Variants in EPM2A observed in about 807,000 individuals in gnomAD.
The protein encoded by EPM2A is EPM2A glucan phosphatase, laforin, also known as laforin.
A neutral mutation model predicts 26.5 loss-of-function variants in EPM2A; 21 were observed. The ratio of observed to expected loss-of-function variants is 0.79; its 90% CI spans 0.56 to 1.14. The LOEUF (loss-of-function observed/expected upper bound fraction) is 1.14, where lower values mean the gene tolerates loss of function less well. EPM2A is among the 50% of genes most tolerant of loss of function. The pLI, the probability that EPM2A is intolerant of heterozygous loss-of-function variation, is 0.00. For synonymous variants in EPM2A, 217 were observed against 177.6 expected, an observed-to-expected ratio of 1.22 and a Z score of -1.76; for missense variants, 458 against 440.8, an observed-to-expected ratio of 1.04 and a Z score of -0.35.
intron 1 of EPM2A, among the ~76,000 whole-genome samples, chr6:145,688,363 T>C (rs1781066863): frequency 6.6e-6 from 1 of 152,174 alleles, no homozygotes; most frequent in Admixed American, 6.5e-5. Context: ...TGGTGATTAA[T>C]TGGAAAAGGA....
intron 1 of EPM2A, among the ~76,000 whole-genome samples, chr6:145,718,185 AG>A (rs921360380): frequency 7.9e-5 from 12 of 152,006 alleles, no homozygotes; most frequent in African/African-American, 2.9e-4. Context: ...AAAAGAACAA[AG>A]TTGGAGGCAT....
intron 4 of EPM2A, among the ~76,000 whole-genome samples, chr6:145,439,477 ATTAT>A (rs1779033737): frequency 6.6e-6 from 1 of 151,994 alleles, no homozygotes; most frequent in African/African-American, 2.4e-5. Flanking sequence ...GCATGTTATT[ATTAT>A]TTTTTTACTT....
chr6:145,633,141 T>C (rs1338847818), intron 3 of EPM2A, among the ~76,000 whole-genome samples: 1 of 152,198 alleles, frequency 6.6e-6, no homozygotes, highest in East Asian at 1.9e-4. Context: ...CAGCAGAGCC[T>C]TCAGGTAATC....
Position 145,648,593 on chromosome 6 carries a change from G to A in EPM2A, c.477-13107C>T, listed in dbSNP as rs149122899. On this transcript the variant is annotated intron_variant, in intron 2 of 3. Coordinates refer to ENST00000367519, the MANE Select transcript of EPM2A (RefSeq NM_005670.4). Reference sequence around the variant, plus strand: ...TCTAGAGCAGTGTTTCACAGCCCTGGCTACATGCTAGAATCTCTTGGAGGT... The same window carrying A: ...TCTAGAGCAGTGTTTCACAGCCCTGACTACATGCTAGAATCTCTTGGAGGT... 2.1e-3 allele frequency among the ~76,000 whole-genome samples: 323 copies of A among 152,338 alleles called. 2 individuals are homozygous for A. The highest frequency in any genetic ancestry group is 7.0e-3 in the African/African-American group (293 of 41,570).
At chr6:145,655,074 T>C (rs1201611964) in intron 2 of EPM2A, among the ~76,000 whole-genome samples, 3 of 152,152 alleles carry the variant, frequency 2.0e-5, no homozygotes. Context: ...TTTGTGTGTG[T>C]GACCATGTGG....
intron 4 of EPM2A, among the ~76,000 whole-genome samples, chr6:145,424,041 A>C (rs1259011666): frequency 6.6e-6 from 1 of 152,166 alleles, no homozygotes; most frequent in Non-Finnish European, 1.5e-5. Context: ...TACTGCCTAA[A>C]CTAAGTGAAC....
At chr6:145,399,578 A>G (rs1331079562) in intron 4 of EPM2A, among the ~76,000 whole-genome samples, 1 of 152,178 alleles carries the variant, frequency 6.6e-6, no homozygotes, top group African/African-American at 2.4e-5. Flanking sequence ...AAATTGCTGA[A>G]AAGAGTGCAA....
At chr6:145,501,833 T>C (rs1262853289) in exon 4 of EPM2A, 7 of 471,010 alleles carry the variant, frequency 1.5e-5, no homozygotes, top group Non-Finnish European at 3.1e-5. Flanking sequence ...TAATCCAGAA[T>C]CCCAAGGCCA....
At chr6:145,456,367 T>C (rs1012631819) in intron 4 of EPM2A, among the ~76,000 whole-genome samples, 1 of 152,214 alleles carries the variant, frequency 6.6e-6, no homozygotes, top group Non-Finnish European at 1.5e-5. Flanking sequence ...GACGTTTGCA[T>C]GCTTGCAAAA....
At chr6:145,399,770 T>C (rs1039978655) in intron 4 of EPM2A, among the ~76,000 whole-genome samples, 1 of 152,134 alleles carries the variant, frequency 6.6e-6, no homozygotes, top group African/African-American at 2.4e-5. Context: ...AGGTAGAAAC[T>C]CATATAGAAA....
chr6:145,735,592 G>C (rs917360457), upstream of EPM2A: 22 of 1,084,510 alleles, frequency 2.0e-5, no homozygotes, highest in Non-Finnish European at 2.3e-5. Context: ...TTGGGCGGTG[G>C]TGTGGGAGCC....
chr6:145,567,597 A>T (rs907300958), intron 2 of EPM2A, among the ~76,000 whole-genome samples: 15 of 152,218 alleles, frequency 9.9e-5, no homozygotes, highest in African/African-American at 3.6e-4. Context: ...ACAAGGCCCC[A>T]GCCTAACTGT....
chr6:145,563,188 C>T (rs1780832800), intron 2 of EPM2A, among the ~76,000 whole-genome samples: 1 of 151,512 alleles, frequency 6.6e-6, no homozygotes, highest in Admixed American at 6.6e-5. Flanking sequence ...TCGACATTTC[C>T]CCTGTACCTG....
intron 1 of EPM2A, among the ~76,000 whole-genome samples, chr6:145,733,811 T>A (rs2128647198): frequency 6.6e-6 from 1 of 152,308 alleles, no homozygotes; most frequent in Middle Eastern, 3.4e-3. Flanking sequence ...CACTCTAATC[T>A]TCTTTACTGA....
At chr6:145,397,275 G>GA (rs961214487) in intron 4 of EPM2A, among the ~76,000 whole-genome samples, 5 of 151,810 alleles carry the variant, frequency 3.3e-5, no homozygotes, top group Non-Finnish European at 5.9e-5. Flanking sequence ...TACTAAAAGT[G>GA]AAAAAAATTT....
At chr6:145,536,443 GT>G (rs1780433184) in intron 2 of EPM2A, among the ~76,000 whole-genome samples, 1 of 152,030 alleles carries the variant, frequency 6.6e-6, no homozygotes, top group African/African-American at 2.4e-5. Flanking sequence ...TTACAGGCCT[GT>G]GCCACCACAC....
Position 145,627,126 on chromosome 6 carries a change from G to A in EPM2A, c.*290C>T, listed in dbSNP as rs554969040. On this transcript the variant is annotated 3_prime_UTR_variant, in exon 4 of 4. Transcript: ENST00000367519. ...TACAGTGCTGTAAAGCAAAGGCCTCGTCTGCCTGCAGGCAGCAGGAACTGC... is the reference window on the plus strand; with the variant it reads ...TACAGTGCTGTAAAGCAAAGGCCTCATCTGCCTGCAGGCAGCAGGAACTGC... 2.6e-5 allele frequency: 34 copies of A among 1,321,016 alleles called. No individual in the cohort carries two copies. The highest frequency in any genetic ancestry group is 3.0e-4 in the Middle Eastern group (1 of 3,308). The allele number at this position is 1,321,016 out of a possible 1,614,324, so 81.8% of individuals were successfully genotyped here. A position where few individuals can be genotyped will look rare whatever the true frequency, so the allele number is the denominator to read the frequency against.
At position 145,542,836 on chromosome 6, in the gene EPM2A, G is replaced by A. The variant is rs377374263; in HGVS notation, c.341-40261C>T. On this transcript the variant is annotated intron_variant, in intron 2 of 3. Transcript: ENST00000450221. ...TACAATGGTGCAATCTCGGCTCACC[G>A]CAACCTCTGCCTCCTGGGTTCAAGT... Among the ~76,000 whole-genome samples, 48 of 152,266 alleles carry A rather than the reference G, an allele frequency of 3.2e-4. 1 individual carries two copies. The South Asian group carries it at 8.1e-3, about 26-fold the overall frequency.
In EPM2A at chr6:145,627,747, C is replaced by T. The variant is rs1023964285; in HGVS notation, c.719-54G>A. The T allele has an allele frequency of 4.3e-5, 68 of 1,594,394 alleles. No individual in the cohort carries two copies. The African/African-American group carries it at 8.3e-4, about 19-fold the overall frequency. ...TGAATAACTAAACCACCAGATACCGCCGCTGAGGTCTCCTCCAGCACAGCC... is the reference window on the plus strand; with the variant it reads ...TGAATAACTAAACCACCAGATACCGTCGCTGAGGTCTCCTCCAGCACAGCC... On this transcript the variant is annotated intron_variant, in intron 3 of 3. Coordinates refer to ENST00000367519, the MANE Select transcript of EPM2A (RefSeq NM_005670.4).
Sources: allele counts gnomAD v4.1 joint callset (sites outside exome capture counted in the v4.1 genomes callset), GRCh38; gene constraint gnomAD v4.1.1; transcripts MANE v1.5; gene names NCBI Gene and HGNC (gene_info 2026-07-23, HGNC 2026-07-21).